Variants in WSCD1 observed in about 807,000 individuals in gnomAD.
WSCD1 encodes the protein sialate:O-sulfotransferase 1.
A neutral mutation model predicts 60.4 loss-of-function variants in WSCD1; 41 were observed. The ratio of observed to expected loss-of-function variants is 0.68; its 90% confidence interval spans 0.53 to 0.88. The LOEUF is 0.88. Ranked by LOEUF, WSCD1 falls within the 40% of genes least tolerant of loss-of-function variation. The pLI, the probability that WSCD1 is intolerant of heterozygous loss-of-function variation, is 0.00. For missense variants in WSCD1, 784 were observed against 796.2 expected (o/e 0.98, Z 0.18); for synonymous variants, 361 against 332.5 (o/e 1.09, Z -0.93).
At chr17:6,117,560 A>G (rs1904362985) in intron 7 of WSCD1, among the ~76,000 whole-genome samples, 1 of 152,250 alleles carries the variant, frequency 6.6e-6, no homozygotes, top group Admixed American at 6.5e-5. Flanking sequence ...GGCAAGTCCC[A>G]TGCTCACTCT....
chr17:6,097,494 A>C (rs1230831948), intron 5 of WSCD1, among the ~76,000 whole-genome samples: 2 of 152,208 alleles, frequency 1.3e-5, no homozygotes, highest in Non-Finnish European at 2.9e-5. Flanking sequence ...GCCCTTCTGC[A>C]CTGAACTCTT....
Position 6,123,839 on chromosome 17 carries a change from G to A in WSCD1, c.*3178G>A, listed in dbSNP as rs1904855500. Reference sequence around the variant, plus strand: ...GGAAATAATGTAGAGTCGTCAGACTGAAAGGCCAGGTTGTAGTCCCAGCTC... The same window carrying A: ...GGAAATAATGTAGAGTCGTCAGACTAAAAGGCCAGGTTGTAGTCCCAGCTC... On this transcript the variant is annotated 3_prime_UTR_variant, in exon 9 of 9. Coordinates refer to ENST00000317744, the MANE Select transcript of WSCD1 (RefSeq NM_015253.2). The A allele has an allele frequency of 1.3e-5, 2 of 152,212 alleles. No homozygotes were observed. The highest frequency in any genetic ancestry group is 1.5e-5 in the Non-Finnish European group (1 of 68,034). 9.4% of individuals were successfully genotyped at this position (152,212 alleles called of 1,614,324 possible).
intron 1 of WSCD1, among the ~76,000 whole-genome samples, chr17:6,074,460 A>G (rs1597347947): frequency 6.6e-6 from 1 of 152,190 alleles, no homozygotes; most frequent in East Asian, 1.9e-4. Context: ...CCCCACCCAG[A>G]GGTGGGCAGA....
chr17:6,113,818 A>G (rs1321296136), intron 7 of WSCD1, among the ~76,000 whole-genome samples: 1 of 152,202 alleles, frequency 6.6e-6, no homozygotes, highest in Non-Finnish European at 1.5e-5. Flanking sequence ...TAGAGTGGCT[A>G]CTATCAAAAA....
At chr17:6,098,771 C>A (rs550113394) in intron 5 of WSCD1, among the ~76,000 whole-genome samples, 8 of 152,290 alleles carry the variant, frequency 5.3e-5, no homozygotes, top group Non-Finnish European at 1.2e-4. Flanking sequence ...GTATTGGCAG[C>A]GCATATTTAG....
chr17:6,118,587 G>A lies in WSCD1; in HGVS notation c.1375+399G>A, dbSNP rs1042797807. 1.1e-4 allele frequency among the ~76,000 whole-genome samples: 16 copies of A among 152,182 alleles called. No individual in the cohort carries two copies. Among genetic ancestry groups the A allele is most frequent in the African/African-American group, 3.6e-4 (15 of 41,436 alleles). ...TGCTTTGCACCTTCCTCTGTGTTCA[G>A]CACCAGGTTCCTCTTTTATAGAATG... On this transcript the variant is annotated intron_variant, in intron 8 of 8. Transcript: ENST00000317744. This position sits in a 1 kb window ranked among gnomAD's most constrained non-coding sequence, Gnocchi z 5.8.
chr17:6,090,433 G>A lies in WSCD1; in HGVS notation c.655G>A (p.Gly219Ser). 1 of 1,613,286 alleles carries A rather than the reference G, an allele frequency of 6.2e-7. No homozygotes were observed. The highest frequency in any genetic ancestry group is 1.3e-5 in the African/African-American group (1 of 75,006). Residue 219 changes from glycine to serine, a missense_variant, in exon 4 of 9, where the codon GGC becomes AGC. Physicochemically the swap from Gly to Ser is moderately conservative, Grantham distance 56. Transcript: ENST00000317744. ...TAACCATGAGTGCAAAGGCGAGAAG[G>A]GCTCTGTGTGCGGGGCTGTGGACCG... Reference protein sequence around the residue: ...ECNHECKGEKGSVCGAVDRLS... With the variant: ...ECNHECKGEKSSVCGAVDRLS...
At chr17:6,093,314 G>A (rs767038972) in intron 4 of WSCD1, among the ~76,000 whole-genome samples, 42 of 152,316 alleles carry the variant, frequency 2.8e-4, no homozygotes, top group Non-Finnish European at 4.7e-4. Context: ...CAGTTCATTC[G>A]TTCGCTCACC....
At chr17:6,088,196 TG>T (rs1909787563) in intron 3 of WSCD1, 92 bp downstream of exon 3, 1 of 1,086,880 alleles carries the variant, frequency 9.2e-7, no homozygotes, top group South Asian at 1.4e-5. Flanking sequence ...ACCAGTTGGC[TG>T]TCATAGCATA....
chr17:6,076,108 C>G (rs572512391), intron 1 of WSCD1, among the ~76,000 whole-genome samples: 1 of 152,122 alleles, frequency 6.6e-6, no homozygotes, highest in Non-Finnish European at 1.5e-5. Flanking sequence ...AAATAGGAAG[C>G]TTCGTGGGCA....
intron 5 of WSCD1, among the ~76,000 whole-genome samples, chr17:6,102,528 G>C (rs554613927): frequency 3.3e-5 from 5 of 152,290 alleles, no homozygotes; most frequent in African/African-American, 1.2e-4. Context: ...AACACGTATT[G>C]TTTGTTTTTC....
At chr17:6,119,265 C>G (rs1346321015) in intron 8 of WSCD1, among the ~76,000 whole-genome samples, 5 of 152,228 alleles carry the variant, frequency 3.3e-5, no homozygotes, top group Non-Finnish European at 5.9e-5. Context: ...CCCACTGCAG[C>G]TTTATTCATG....
chr17:6,096,209 G>C (rs868130816), intron 5 of WSCD1, among the ~76,000 whole-genome samples: 8 of 152,192 alleles, frequency 5.3e-5, no homozygotes, highest in Non-Finnish European at 1.0e-4. Flanking sequence ...TGAGGCAGAG[G>C]GTTTGAGCCG....
intron 7 of WSCD1, among the ~76,000 whole-genome samples, chr17:6,116,716 C>T (rs1468097388): frequency 2.0e-5 from 3 of 152,234 alleles, no homozygotes; most frequent in African/African-American, 4.8e-5. Flanking sequence ...TGGGTAAACC[C>T]GGACTTCCAG....
chr17:6,105,776 C>T (rs768668656), intron 5 of WSCD1, among the ~76,000 whole-genome samples: 5 of 152,270 alleles, frequency 3.3e-5, no homozygotes, highest in South Asian at 2.1e-4. Context: ...GGAAGGGAGA[C>T]GGAGCCAGCG....
chr17:6,080,347 C>T lies in WSCD1; in HGVS notation c.-288-24C>T, dbSNP rs1909147670. Reference sequence around the variant, plus strand: ...GGTAGTGGACCCGCCTATTACATCTCGGTGCTCTTTCTCCACCTTCCAGAT... The same window carrying T: ...GGTAGTGGACCCGCCTATTACATCTTGGTGCTCTTTCTCCACCTTCCAGAT... On this transcript the variant is annotated intron_variant, in intron 1 of 8. Coordinates refer to ENST00000317744, the MANE Select transcript of WSCD1 (RefSeq NM_015253.2). The surrounding 1 kb of genome is among the most constrained non-coding windows in gnomAD (Gnocchi z 6.6). 2 of 407,856 alleles carry T rather than the reference C, an allele frequency of 4.9e-6. No individual in the cohort carries two copies. The highest frequency in any genetic ancestry group is 4.4e-6 in the Non-Finnish European group (1 of 227,166). The allele number at this position is 407,856 out of a possible 1,614,324, so 25.3% of individuals were successfully genotyped here. A position where few individuals can be genotyped will look rare whatever the true frequency, so the allele number is the denominator to read the frequency against.
intron 4 of WSCD1, among the ~76,000 whole-genome samples, chr17:6,094,822 T>C (rs1310288173): frequency 6.7e-6 from 1 of 149,104 alleles, no homozygotes. Context: ...GAGGAAGGAA[T>C]GACTTATGGA....
intron 5 of WSCD1, among the ~76,000 whole-genome samples, chr17:6,097,493 C>A (rs192538543): frequency 2.0e-5 from 3 of 152,362 alleles, no homozygotes; most frequent in Non-Finnish European, 4.4e-5. Flanking sequence ...CGCCCTTCTG[C>A]ACTGAACTCT....
intron 2 of WSCD1, among the ~76,000 whole-genome samples, chr17:6,082,515 G>A (rs748318706): frequency 2.0e-5 from 3 of 152,206 alleles, no homozygotes; most frequent in Admixed American, 6.5e-5. Context: ...GTCTGGCTCC[G>A]GGTTGGAGCT....
Sources: allele counts gnomAD v4.1 joint callset (sites outside exome capture counted in the v4.1 genomes callset), GRCh38; gene constraint gnomAD v4.1.1; non-coding constraint Gnocchi (gnomAD v3.1); transcripts MANE v1.5; gene names NCBI Gene and HGNC (gene_info 2026-07-23, HGNC 2026-07-21).